The following SLC25A53 variants were observed in gnomAD, a reference collection of about 807,000 sequenced individuals.
SLC25A53 encodes solute carrier family 25 member 53.
A neutral mutation model predicts 15.0 loss-of-function variants in SLC25A53; 5 were observed. The ratio of observed to expected loss-of-function variants is 0.33; its 90% CI spans 0.17 to 0.70. The LOEUF is 0.70. Among genes scored for constraint, SLC25A53 ranks in the 30% least tolerant of loss-of-function variants. SLC25A53 has a pLI of 0.67. For missense variants in SLC25A53, 216 were observed against 241.6 expected, an observed-to-expected ratio of 0.89 and a Z score of 0.70; for synonymous variants, 95 against 100.0, an observed-to-expected ratio of 0.95 and a Z score of 0.30.
At position 104,147,586 on chromosome X, in the gene SLC25A53, A is replaced by C. The variant is rs782137679; in HGVS notation, c.-32+9292T>G. ...GGCTAATATCCAGAATGTACAATGA[A>C]CTCAAACAAATTTACAAGAAAAAAA... On this transcript the variant is annotated intron_variant, in intron 1 of 1. Coordinates refer to ENST00000594199, the MANE Select transcript of SLC25A53 (RefSeq NM_001012755.5). Among the ~76,000 whole-genome samples the C allele has an allele frequency of 5.5e-3, 575 of 103,638 alleles. 6 individuals carry two copies. The highest frequency in any genetic ancestry group is 0.02 in the African/African-American group (555 of 28,282). The allele number at this position is 103,638 out of a possible 115,157, so 90.0% of individuals were successfully genotyped here.
chrX:104,146,136 T>G (rs1311793382), intron 1 of SLC25A53, among the ~76,000 whole-genome samples: 1 of 112,120 alleles, frequency 8.9e-6, no homozygotes, highest in Non-Finnish European at 1.9e-5. Flanking sequence ...ATCCCTGGGA[T>G]GCAAGGCTGG....
At chrX:104,124,651 A>G (rs1556363795) in intron 1 of SLC25A53, among the ~76,000 whole-genome samples, 2 of 108,846 alleles carry the variant, frequency 1.8e-5, no homozygotes. Context: ...CTGCTTGGGG[A>G]GCTGAGGCAG....
chrX:104,130,554 G>T (rs1348289791), intron 1 of SLC25A53: 3 of 111,122 alleles, frequency 2.7e-5, no homozygotes, highest in Non-Finnish European at 5.7e-5. Context: ...AGAACAGGAG[G>T]TGGGCAGACA....
At chrX:104,108,089 T>TA (rs782390021) in intron 1 of SLC25A53, among the ~76,000 whole-genome samples, 18 of 111,963 alleles carry the variant, frequency 1.6e-4, no homozygotes, top group African/African-American at 3.2e-4. Context: ...CATCTAACCT[T>TA]AATATGTAAT....
chrX:104,148,830 A>G (rs2075476921), intron 1 of SLC25A53, among the ~76,000 whole-genome samples: 1 of 112,327 alleles, frequency 8.9e-6, no homozygotes, highest in South Asian at 3.7e-4. Context: ...CTTAAAGTAT[A>G]ATAACAAAAA....
At chrX:104,111,389 G>A (rs1403685170) in intron 1 of SLC25A53, among the ~76,000 whole-genome samples, 1 of 111,378 alleles carries the variant, frequency 9.0e-6, no homozygotes, top group Non-Finnish European at 1.9e-5. Flanking sequence ...TGTATTTTCA[G>A]ACAAATCATT....
intron 1 of SLC25A53, among the ~76,000 whole-genome samples, chrX:104,154,296 T>G (rs782489291): frequency 8.9e-6 from 1 of 112,242 alleles, no homozygotes; most frequent in African/African-American, 3.2e-5. Context: ...ATATATTATC[T>G]CACACCTTCC....
intron 1 of SLC25A53, among the ~76,000 whole-genome samples, chrX:104,144,766 C>T (rs2075461127): frequency 9.0e-6 from 1 of 111,658 alleles, no homozygotes. Flanking sequence ...GAAGAGCTAA[C>T]TATCCTAAAT....
chrX:104,105,629 T>G (rs782511394), intron 1 of SLC25A53, among the ~76,000 whole-genome samples: 2 of 112,622 alleles, frequency 1.8e-5, no homozygotes, highest in African/African-American at 6.4e-5. Flanking sequence ...CATGAAACTG[T>G]GCATTTTATA....
intron 1 of SLC25A53, among the ~76,000 whole-genome samples, chrX:104,141,177 T>C (rs1556367484): frequency 8.9e-6 from 1 of 111,900 alleles, no homozygotes; most frequent in Admixed American, 9.5e-5. Context: ...AACTGAATCT[T>C]AGCAAGAACA....
intron 1 of SLC25A53, among the ~76,000 whole-genome samples, chrX:104,140,125 T>C (rs1473056628): frequency 9.0e-6 from 1 of 111,289 alleles, no homozygotes; most frequent in East Asian, 2.8e-4. Context: ...CCCCTCCTTA[T>C]TTATTTATTT....
chrX:104,138,663 T>C (rs960841908), intron 1 of SLC25A53, among the ~76,000 whole-genome samples: 1 of 112,350 alleles, frequency 8.9e-6, no homozygotes, highest in Admixed American at 9.4e-5. Context: ...CACGTGGGCT[T>C]GGAGAATGAG....
intron 1 of SLC25A53, among the ~76,000 whole-genome samples, chrX:104,153,171 T>C (rs959424521): frequency 1.8e-5 from 2 of 111,226 alleles, no homozygotes; most frequent in East Asian, 5.6e-4. Context: ...CAGGAATATA[T>C]TCTGAGAAAT....
At chrX:104,147,036 T>C (rs2075469723) in intron 1 of SLC25A53, among the ~76,000 whole-genome samples, 1 of 111,879 alleles carries the variant, frequency 8.9e-6, no homozygotes, top group Admixed American at 9.5e-5. Flanking sequence ...GGCATCACAC[T>C]ACCTCACTTC....
At chrX:104,148,723 A>G (rs184485075) in intron 1 of SLC25A53, among the ~76,000 whole-genome samples, 20 of 110,805 alleles carry the variant, frequency 1.8e-4, no homozygotes, top group African/African-American at 6.6e-4. Flanking sequence ...TAGGAGAAAT[A>G]CCTAATGTAA....
chrX:104,150,381 T>C (rs2075481354), intron 1 of SLC25A53, among the ~76,000 whole-genome samples: 1 of 111,344 alleles, frequency 9.0e-6, no homozygotes, highest in African/African-American at 3.3e-5. Context: ...CCAGTGCTGA[T>C]CACTCTGGAG....
chrX:104,114,255 C>T (rs782196057), intron 1 of SLC25A53: 3 of 1,209,482 alleles, frequency 2.5e-6, no homozygotes, highest in Non-Finnish European at 2.2e-6. Context: ...TGAAGTTGTT[C>T]TCAGGAAGAG....
intron 1 of SLC25A53, among the ~76,000 whole-genome samples, chrX:104,122,257 G>T (rs1248248492): frequency 2.9e-5 from 3 of 101,764 alleles, no homozygotes; most frequent in African/African-American, 1.1e-4. Context: ...TTTTCCAGAG[G>T]TTTATTAGTT....
At chrX:104,156,272 G>T (rs2075500832) in intron 1 of SLC25A53, among the ~76,000 whole-genome samples, 1 of 110,446 alleles carries the variant, frequency 9.1e-6, no homozygotes, top group African/African-American at 3.3e-5. Flanking sequence ...AGATGAGTTC[G>T]GTGGCACCCA....
Sources: gnomAD v4.1 joint callset for allele counts (sites outside exome capture counted in the v4.1 genomes callset) on GRCh38, gnomAD v4.1.1 for gene constraint, MANE v1.5 for transcripts, NCBI Gene and HGNC (gene_info 2026-07-23, HGNC 2026-07-21) for gene names.